The following CXCL5 variants were observed in gnomAD, a reference collection of about 807,000 sequenced individuals.
CXCL5 encodes the protein C-X-C motif chemokine 5.
Under a neutral mutation model 12.1 loss-of-function variants are expected in CXCL5, and 13 were observed. That is an observed-to-expected ratio of 1.08 (90% CI 0.70 to 1.71). The LOEUF (loss-of-function observed/expected upper bound fraction) is 1.71. Among genes scored for constraint, CXCL5 ranks in the 40% most tolerant of loss-of-function variants. The pLI is 0.00. For missense variants in CXCL5, 159 were observed against 142.4 expected, an observed-to-expected ratio of 1.12 and a Z score of -0.59; for synonymous variants, 67 against 59.0, an observed-to-expected ratio of 1.14 and a Z score of -0.62.
Position 73,998,670 on chromosome 4 carries a change from A to G in CXCL5, c.-89T>C, listed in dbSNP as rs1719258955. The G allele has an allele frequency of 1.7e-6, 2 of 1,159,756 alleles. No homozygotes were observed. The highest frequency in any genetic ancestry group is 1.3e-5 in the South Asian group (1 of 74,242). The allele number at this position is 1,159,756 out of a possible 1,614,324, so 71.8% of individuals were successfully genotyped here. ...GAGGAGCGAAGATTGGAGGATCCGG[A>G]GCACTGTGGCTTCCTCGTGCCTTCT... On this transcript the variant is annotated 5_prime_UTR_variant, in exon 1 of 4. Coordinates refer to ENST00000296027, the MANE Select transcript of CXCL5 (RefSeq NM_002994.5).
chr4:73,996,656 G>C lies in CXCL5; in HGVS notation c.*981C>G, dbSNP rs1256591461. 2.0e-5 allele frequency: 3 copies of C among 152,330 alleles called. No homozygotes were observed. Among genetic ancestry groups the C allele is most frequent in the Admixed American group, 2.0e-4 (3 of 15,234 alleles). 9.4% of individuals were successfully genotyped at this position (152,330 alleles called of 1,614,324 possible). On this transcript the variant is annotated 3_prime_UTR_variant, in exon 4 of 4. Transcript: ENST00000296027. ...CCCCTATCCAAGGAGAAATGCTAGG[G>C]CCTCGAGGATGTCGCTATATATTTT...
rs1446275346 is a variant in CXCL5, at chr4:73,995,772, G to A, written c.*1865C>T. ...TATATGTAATTACTCATAACAAAAT[G>A]GTCAAAACCTTTAAAAGATACACAA... On this transcript the variant is annotated 3_prime_UTR_variant, in exon 4 of 4. Transcript: ENST00000296027. 6.7e-6 allele frequency: 1 copy of A among 149,604 alleles called. No homozygotes were observed. The highest frequency in any genetic ancestry group is 1.5e-5 in the Non-Finnish European group (1 of 67,498). The allele number at this position is 149,604 out of a possible 1,614,324, so 9.3% of individuals were successfully genotyped here.
In CXCL5 at chr4:73,998,049, G is replaced by C; in HGVS notation, c.289C>G (p.Pro97Ala). The C allele has an allele frequency of 6.2e-7, 1 of 1,614,094 alleles. No homozygotes were observed. Among genetic ancestry groups the C allele is most frequent in the Non-Finnish European group, 8.5e-7 (1 of 1,180,024 alleles). The change falls in exon 3 of 4, where the codon CCT (proline) becomes GCT (alanine). Residue 97 changes from proline (P) to alanine (A), a missense_variant. Physicochemically the swap from Pro to Ala is conservative, Grantham distance 27. Transcript: ENST00000296027. ...GKEICLDPEA[P>A]FLKKVIQKIL... ...TTCTGGATGACTTTCTTTAGAAAAG[G>C]GGCTTCTGGATCAAGACAAATTTCC...
rs1374144603 is a variant in CXCL5 at position 73,997,547 on chromosome 4, T to C, written c.*90A>G. On this transcript the variant is annotated 3_prime_UTR_variant, in exon 4 of 4. Coordinates refer to ENST00000296027, the MANE Select transcript of CXCL5 (RefSeq NM_002994.5). ...AATAAACAAACAACAACAAAATCTT[T>C]CCTTCTTGTCTTCCCTGGGTTCAGA... 4.2e-6 allele frequency: 4 copies of C among 953,388 alleles called. No individual in the cohort carries two copies. Among genetic ancestry groups the C allele is most frequent in the Non-Finnish European group, 6.5e-6 (4 of 611,872 alleles). 59.1% of individuals were successfully genotyped at this position (953,388 alleles called of 1,614,324 possible).
In CXCL5 at chr4:73,998,628, T is replaced by C; in HGVS notation, c.-47A>G. 1 of 1,504,978 alleles carries C rather than the reference T, an allele frequency of 6.6e-7. No homozygotes were observed. The highest frequency in any genetic ancestry group is 1.2e-5 in the South Asian group (1 of 83,244). 93.2% of individuals were successfully genotyped at this position (1,504,978 alleles called of 1,614,324 possible). A position where few individuals can be genotyped will look rare whatever the true frequency, so the allele number is the denominator to read the frequency against. On this transcript the variant is annotated 5_prime_UTR_variant, in exon 1 of 4. Coordinates refer to ENST00000296027, the MANE Select transcript of CXCL5 (RefSeq NM_002994.5). ...AGCGGTCGCGGGTTCCTGAACTGGGTGGAGGAGCGGAGATTGGAGGAGCGA... is the reference window on the plus strand; with the variant it reads ...AGCGGTCGCGGGTTCCTGAACTGGGCGGAGGAGCGGAGATTGGAGGAGCGA...
chr4:73,997,876 A>T, intron 3 of CXCL5, 136 bp downstream of exon 3: 1 of 935,586 alleles, frequency 1.1e-6, no homozygotes, highest in East Asian at 2.4e-5. Flanking sequence ...ATCCAGAAAA[A>T]CTTTCCCAAT....
chr4:73,997,874 A>G (rs939718198), intron 3 of CXCL5, 138 bp downstream of exon 3: 1 of 927,590 alleles, frequency 1.1e-6, no homozygotes, highest in Non-Finnish European at 1.7e-6. Context: ...CAATCCAGAA[A>G]AACTTTCCCA....
At chr4:73,998,410 C>A in intron 1 of CXCL5, 63 bp downstream of exon 1, 1 of 1,607,946 alleles carries the variant, frequency 6.2e-7, no homozygotes, top group Non-Finnish European at 8.5e-7. Context: ...AGCGACCCCG[C>A]AGAGGCTGGG....
rs1578182912 is a variant in CXCL5 at position 73,997,801 on chromosome 4, T to C, written c.327-146A>G. 6 of 771,498 alleles carry C rather than the reference T, an allele frequency of 7.8e-6. No individual in the cohort carries two copies. In the East Asian group the frequency reaches 1.6e-4, roughly 20 times the overall value. 47.8% of individuals were successfully genotyped at this position (771,498 alleles called of 1,614,324 possible). The stretch of plus-strand genomic sequence containing the variant: ...CAATGGGTAAACAAAAAACATAACT[T>C]AGTGACAAGCTGTGTGTAATTGCTC... On this transcript the variant is annotated intron_variant, in intron 3 of 3. Coordinates refer to ENST00000296027, the MANE Select transcript of CXCL5 (RefSeq NM_002994.5).
At position 73,996,299 on chromosome 4, in the gene CXCL5, C is replaced by A. The variant is rs538260621; in HGVS notation, c.*1338G>T. On this transcript the variant is annotated 3_prime_UTR_variant, in exon 4 of 4. Coordinates refer to ENST00000296027, the MANE Select transcript of CXCL5 (RefSeq NM_002994.5). ...GACTAGAACAGGCTTTACATTCAGACAGAAATGCTTCAAAATCCCAGTGAA... is the reference window on the plus strand; with the variant it reads ...GACTAGAACAGGCTTTACATTCAGAAAGAAATGCTTCAAAATCCCAGTGAA... 6.5e-6 allele frequency: 1 copy of A among 152,688 alleles called. No individual in the cohort carries two copies. Among genetic ancestry groups the A allele is most frequent in the African/African-American group, 2.4e-5 (1 of 41,546 alleles). 9.5% of individuals were successfully genotyped at this position (152,688 alleles called of 1,614,324 possible).
In CXCL5 at chr4:73,998,031, T is replaced by C. The variant is rs751708366; in HGVS notation, c.307A>G (p.Ile103Val). 3.7e-6 allele frequency: 6 copies of C among 1,614,170 alleles called. No homozygotes were observed. The highest frequency in any genetic ancestry group is 3.3e-5 in the Admixed American group (2 of 60,016). ...DPEAPFLKKVIQKILDGGNKE... is the reference protein window; with the variant it reads ...DPEAPFLKKVVQKILDGGNKE... ...AAGTACCCGTCCAAAATTTTCTGGATGACTTTCTTTAGAAAAGGGGCTTCT... is the reference window on the plus strand; with the variant it reads ...AAGTACCCGTCCAAAATTTTCTGGACGACTTTCTTTAGAAAAGGGGCTTCT... The change falls in exon 3 of 4, where the codon ATC becomes GTC. Residue 103 changes from isoleucine (I) to valine (V), a missense_variant. Transcript: ENST00000296027.
At chr4:73,997,979 T>C in intron 3 of CXCL5, 33 bp downstream of exon 3, 1 of 1,566,598 alleles carries the variant, frequency 6.4e-7, no homozygotes, top group Non-Finnish European at 8.8e-7. Context: ...CTAGATCAGA[T>C]TTAGAAACCA....
chr4:73,998,653 A>G lies in CXCL5; in HGVS notation c.-72T>C, dbSNP rs200553690. 112 of 1,329,748 alleles carry G rather than the reference A, an allele frequency of 8.4e-5. No individual in the cohort carries two copies. Among genetic ancestry groups the G allele is most frequent in the Non-Finnish European group, 1.1e-4 (100 of 946,610 alleles). The allele number at this position is 1,329,748 out of a possible 1,614,324, so 82.4% of individuals were successfully genotyped here. On this transcript the variant is annotated 5_prime_UTR_variant, in exon 1 of 4. Coordinates refer to ENST00000296027, the MANE Select transcript of CXCL5 (RefSeq NM_002994.5). The stretch of plus-strand genomic sequence containing the variant: ...TGGAGGAGCGGAGATTGGAGGAGCG[A>G]AGATTGGAGGATCCGGAGCACTGTG...
chr4:73,997,767 C>A, intron 3 of CXCL5, 112 bp from the exon 4 acceptor site: 1 of 881,388 alleles, frequency 1.1e-6, no homozygotes, highest in South Asian at 1.6e-5. Flanking sequence ...ATACAAAAAT[C>A]AATAAAAGCA....
chr4:73,997,350 A>G lies in CXCL5; in HGVS notation c.*287T>C, dbSNP rs1432771867. ...CAGCCAGTGATTCCTGGCTCACACTATAGTCAATTGCCAAAACTTCAATAG... is the reference window on the plus strand; with the variant it reads ...CAGCCAGTGATTCCTGGCTCACACTGTAGTCAATTGCCAAAACTTCAATAG... On this transcript the variant is annotated 3_prime_UTR_variant, in exon 4 of 4. Coordinates refer to ENST00000296027, the MANE Select transcript of CXCL5 (RefSeq NM_002994.5). 7 of 349,974 alleles carry G rather than the reference A, an allele frequency of 2.0e-5. No individual in the cohort carries two copies. Among genetic ancestry groups the G allele is most frequent in the Admixed American group, 4.7e-5 (1 of 21,100 alleles). 21.7% of individuals were successfully genotyped at this position (349,974 alleles called of 1,614,324 possible).
In CXCL5 at chr4:73,995,817, G is replaced by A. The variant is rs1430263680; in HGVS notation, c.*1820C>T. The A allele has an allele frequency of 3.4e-5, 5 of 148,224 alleles. No individual in the cohort carries two copies. The highest frequency in any genetic ancestry group is 1.2e-4 in the African/African-American group (5 of 40,714). The allele number at this position is 148,224 out of a possible 1,614,324, so 9.2% of individuals were successfully genotyped here. The stretch of plus-strand genomic sequence containing the variant: ...ACACAATAGGCATCTAAAAAGCTCA[G>A]CAATGCTAAATATATAATATATATT... On this transcript the variant is annotated 3_prime_UTR_variant, in exon 4 of 4. Transcript: ENST00000296027.
chr4:73,997,781 G>A, intron 3 of CXCL5, 126 bp from the exon 4 acceptor site: 3 of 826,228 alleles, frequency 3.6e-6, no homozygotes, highest in Non-Finnish European at 1.9e-6. Flanking sequence ...AAAAGCAATG[G>A]GTAAACAAAA....
In CXCL5 at chr4:73,996,401, C is replaced by A; in HGVS notation, c.*1236G>T. The A allele has an allele frequency of 6.6e-6, 1 of 152,652 alleles. No individual in the cohort carries two copies. The highest frequency in any genetic ancestry group is 1.5e-5 in the Non-Finnish European group (1 of 68,048). The allele number at this position is 152,652 out of a possible 1,614,324, so 9.5% of individuals were successfully genotyped here. On this transcript the variant is annotated 3_prime_UTR_variant, in exon 4 of 4. Transcript: ENST00000296027. ...GCTCGTCTTCTGCAATCCTCTAACC[C>A]AGGTTCTACTCTGTGAAAGGGGCCA...
Position 73,997,532 on chromosome 4 carries a change from C to T in CXCL5, c.*105G>A. The T allele has an allele frequency of 1.1e-6, 1 of 876,608 alleles. No individual in the cohort carries two copies. Among genetic ancestry groups the T allele is most frequent in the Non-Finnish European group, 1.8e-6 (1 of 549,128 alleles). The allele number at this position is 876,608 out of a possible 1,614,324, so 54.3% of individuals were successfully genotyped here. A position where few individuals can be genotyped will look rare whatever the true frequency, so the allele number is the denominator to read the frequency against. The stretch of plus-strand genomic sequence containing the variant: ...ACTACTGGAAAAACAAATAAACAAA[C>T]AACAACAAAATCTTTCCTTCTTGTC... On this transcript the variant is annotated 3_prime_UTR_variant, in exon 4 of 4. Coordinates refer to ENST00000296027, the MANE Select transcript of CXCL5 (RefSeq NM_002994.5).
Sources: gnomAD v4.1 joint callset for allele counts on GRCh38, gnomAD v4.1.1 for gene constraint, MANE v1.5 for transcripts, NCBI Gene and HGNC (gene_info 2026-07-23, HGNC 2026-07-21) for gene names.